The following XKR7 variants were observed in gnomAD, a reference collection of about 807,000 sequenced individuals.
XKR7 encodes the protein XK-related protein 7.
In XKR7, 11 loss-of-function variants were observed where a neutral mutation model predicts 42.2. The ratio of observed to expected loss-of-function variants is 0.26; its 90% CI spans 0.16 to 0.43. The LOEUF (loss-of-function observed/expected upper bound fraction) is 0.43. Among genes scored for constraint, XKR7 ranks in the 20% least tolerant of loss-of-function variants. XKR7 has a pLI of 1.00. For synonymous variants in XKR7, 346 were observed against 366.4 expected (o/e 0.94, Z 0.64); for missense variants, 710 against 802.2 (o/e 0.89, Z 1.39).
At chr20:31,988,399 C>G (rs2064552899) in intron 1 of XKR7, among the ~76,000 whole-genome samples, 1 of 152,128 alleles carries the variant, frequency 6.6e-6, no homozygotes, top group Admixed American at 6.5e-5. Flanking sequence ...CACCTGTTCA[C>G]AGAGGCAGTG....
chr20:31,981,729 A>G (rs188659341), intron 1 of XKR7, among the ~76,000 whole-genome samples: 1 of 152,264 alleles, frequency 6.6e-6, no homozygotes, highest in Admixed American at 6.5e-5. Context: ...AGAAAAAACA[A>G]AAGATAAAGG....
In XKR7 at chr20:31,995,874, T is replaced by G. The variant is rs1291474219; in HGVS notation, c.787+604T>G. Among the ~76,000 whole-genome samples, 1 of 151,812 alleles carries G rather than the reference T, an allele frequency of 6.6e-6. No homozygotes were observed. Among genetic ancestry groups the G allele is most frequent in the Admixed American group, 6.6e-5 (1 of 15,252 alleles). ...GAAAAACCGCATCCCCCTGTCTCCC[T>G]GAAGCACTCCGTGCTCTCCCAACCT... On this transcript the variant is annotated intron_variant, in intron 2 of 2. Coordinates refer to ENST00000562532, the MANE Select transcript of XKR7 (RefSeq NM_001011718.2). This position sits in a 1 kb window ranked among gnomAD's most constrained non-coding sequence, Gnocchi z 4.1.
At position 32,000,047 on chromosome 20, in the gene XKR7, T is replaced by C. The variant is rs1273885852; in HGVS notation, c.*2590T>C. 6.6e-6 allele frequency: 1 copy of C among 152,272 alleles called. No homozygotes were observed. The highest frequency in any genetic ancestry group is 1.5e-5 in the Non-Finnish European group (1 of 68,080). The allele number at this position is 152,272 out of a possible 1,614,324, so 9.4% of individuals were successfully genotyped here. On this transcript the variant is annotated 3_prime_UTR_variant, in exon 3 of 3. Coordinates refer to ENST00000562532, the MANE Select transcript of XKR7 (RefSeq NM_001011718.2). ...CCCCACACACCCTTCCCTCAGGGCT[T>C]CTGCCTGCAGGGACATCTGGGCACA...
intron 1 of XKR7, among the ~76,000 whole-genome samples, chr20:31,973,068 G>T (rs928649592): frequency 2.0e-5 from 3 of 152,204 alleles, no homozygotes; most frequent in Admixed American, 6.5e-5. Context: ...GTACCCACCC[G>T]CCTCTTAGGT....
intron 1 of XKR7, among the ~76,000 whole-genome samples, chr20:31,989,566 T>A (rs2064560005): frequency 6.6e-6 from 1 of 152,110 alleles, no homozygotes; most frequent in Non-Finnish European, 1.5e-5. Flanking sequence ...CCAGGCAAGA[T>A]GACTGTGGCC....
intron 1 of XKR7, among the ~76,000 whole-genome samples, chr20:31,986,607 A>C: frequency 7.2e-6 from 1 of 138,214 alleles, no homozygotes; most frequent in Non-Finnish European, 1.5e-5. Context: ...CAGACAGACC[A>C]CCAAACAGAT....
chr20:31,992,951 A>G (rs1007043273), intron 1 of XKR7, among the ~76,000 whole-genome samples: 3 of 152,074 alleles, frequency 2.0e-5, no homozygotes, highest in African/African-American at 7.2e-5. Context: ...TGGGCTGTGA[A>G]TAGAGTGAGT....
rs1054633904 is a variant in XKR7 at position 32,002,190 on chromosome 20, G to A, written c.*4733G>A. The A allele has an allele frequency of 6.6e-6, 1 of 152,232 alleles. No homozygotes were observed. Among genetic ancestry groups the A allele is most frequent in the African/African-American group, 2.4e-5 (1 of 41,426 alleles). 9.4% of individuals were successfully genotyped at this position (152,232 alleles called of 1,614,324 possible). On this transcript the variant is annotated 3_prime_UTR_variant, in exon 3 of 3. Coordinates refer to ENST00000562532, the MANE Select transcript of XKR7 (RefSeq NM_001011718.2). ...CAGAAAACTCCCCAGGGGACAGAGA[G>A]GTTACCCCCTTGTGCTTAGCTTCTG...
intron 1 of XKR7, among the ~76,000 whole-genome samples, chr20:31,994,437 G>A (rs1162303431): frequency 1.3e-5 from 2 of 152,176 alleles, no homozygotes; most frequent in East Asian, 3.8e-4. Context: ...ATTGGGCCGT[G>A]TGCGGTGGCT....
At position 31,999,466 on chromosome 20, in the gene XKR7, T is replaced by C. The variant is rs114201825; in HGVS notation, c.*2009T>C. 5.3e-5 allele frequency: 8 copies of C among 152,288 alleles called. No individual in the cohort carries two copies. Among genetic ancestry groups the C allele is most frequent in the African/African-American group, 1.7e-4 (7 of 41,542 alleles). The allele number at this position is 152,288 out of a possible 1,614,324, so 9.4% of individuals were successfully genotyped here. On this transcript the variant is annotated 3_prime_UTR_variant, in exon 3 of 3. Transcript: ENST00000562532. ...AACACAGCAAGAGTGCTTTTCCTTC[T>C]TTCTGCTGCTAAGCACCCTCAGGAA... is the stretch of plus-strand genomic sequence containing the variant.
At position 31,972,452 on chromosome 20, in the gene XKR7, G is replaced by T. The variant is rs753202509; in HGVS notation, c.584+3693G>T. Among the ~76,000 whole-genome samples the T allele has an allele frequency of 7.9e-5, 12 of 152,336 alleles. No individual in the cohort carries two copies. In the East Asian group the frequency reaches 1.5e-3, roughly 20 times the overall value. ...GATCCTCTGGCGGGGCACGAAGCTGGCTGTGGCCTGGACACCAACCTGCAA... is the reference window on the plus strand; with the variant it reads ...GATCCTCTGGCGGGGCACGAAGCTGTCTGTGGCCTGGACACCAACCTGCAA... On this transcript the variant is annotated intron_variant, in intron 1 of 2. Transcript: ENST00000562532.
chr20:31,976,478 C>T (rs529491809), intron 1 of XKR7, among the ~76,000 whole-genome samples: 51 of 151,980 alleles, frequency 3.4e-4, no homozygotes, highest in African/African-American at 1.1e-3. Flanking sequence ...TCTGCCTCCC[C>T]GGTTCAAGCG....
At chr20:31,994,919 A>G in intron 1 of XKR7, 149 bp from the exon 2 acceptor site, 1 of 1,353,098 alleles carries the variant, frequency 7.4e-7, no homozygotes, top group Non-Finnish European at 9.9e-7. Flanking sequence ...TCATAAGGTG[A>G]TCCTTTCGAA....
intron 1 of XKR7, among the ~76,000 whole-genome samples, chr20:31,971,501 A>G (rs1282488895): frequency 6.6e-6 from 1 of 152,232 alleles, no homozygotes; most frequent in East Asian, 1.9e-4. Flanking sequence ...GGTATAGAGA[A>G]GCTGCAGGGG....
chr20:32,002,659 TGAA>T lies in XKR7; in HGVS notation c.*5209_*5211del, dbSNP rs1406264396. 8.5e-5 allele frequency: 13 copies of T among 152,330 alleles called. No individual in the cohort carries two copies. Among genetic ancestry groups the T allele is most frequent in the South Asian group, 6.2e-4 (3 of 4,826 alleles). The allele number at this position is 152,330 out of a possible 1,614,324, so 9.4% of individuals were successfully genotyped here. ...TTTCTCCCAAACCAGCCTCATTTCT[TGAA>T]GAAGAATTCATTTTCCCATATTAAA... On this transcript the variant is annotated 3_prime_UTR_variant, in exon 3 of 3. Coordinates refer to ENST00000562532, the MANE Select transcript of XKR7 (RefSeq NM_001011718.2).
intron 1 of XKR7, among the ~76,000 whole-genome samples, chr20:31,971,849 C>G (rs967702717): frequency 1.3e-5 from 2 of 152,084 alleles, no homozygotes; most frequent in African/African-American, 4.8e-5. Flanking sequence ...CATTCAGGGG[C>G]AAGTAGTGTC....
At chr20:31,974,257 A>C (rs908233804) in intron 1 of XKR7, among the ~76,000 whole-genome samples, 1 of 152,162 alleles carries the variant, frequency 6.6e-6, no homozygotes, top group Non-Finnish European at 1.5e-5. Context: ...CTGGAGATGC[A>C]TGAGGAGGCT....
intron 1 of XKR7, among the ~76,000 whole-genome samples, chr20:31,981,136 G>C (rs1216952772): frequency 6.6e-6 from 1 of 150,880 alleles, no homozygotes; most frequent in Non-Finnish European, 1.5e-5. Context: ...GAGGCACAGG[G>C]AGGTGATCAC....
rs1432860295 is a variant in XKR7 at position 32,001,049 on chromosome 20, A to G, written c.*3592A>G. On this transcript the variant is annotated 3_prime_UTR_variant, in exon 3 of 3. Transcript: ENST00000562532. ...AGGGCAGGGAAGGTGAGGCCTGGGG[A>G]AAGTCCAGGCCTCTGGATAAGGGCT... The G allele has an allele frequency of 6.6e-6, 1 of 152,310 alleles. No homozygotes were observed. The highest frequency in any genetic ancestry group is 6.5e-5 in the Admixed American group (1 of 15,286). 9.4% of individuals were successfully genotyped at this position (152,310 alleles called of 1,614,324 possible). A position where few individuals can be genotyped will look rare whatever the true frequency, so the allele number is the denominator to read the frequency against.
Sources: allele counts gnomAD v4.1 joint callset (sites outside exome capture counted in the v4.1 genomes callset), GRCh38; gene constraint gnomAD v4.1.1; non-coding constraint Gnocchi (gnomAD v3.1); transcripts MANE v1.5; gene names NCBI Gene and HGNC (gene_info 2026-07-23, HGNC 2026-07-21).